The following ANHX variants were observed in gnomAD, a reference collection of about 807,000 sequenced individuals.
ANHX encodes anomalous homeobox.
Under a neutral mutation model 38.9 loss-of-function variants are expected in ANHX, and 20 were observed. That is an observed-to-expected ratio of 0.51 (90% CI 0.36 to 0.75). The LOEUF (loss-of-function observed/expected upper bound fraction) is 0.75, where lower values mean the gene tolerates loss of function less well. Ranked by LOEUF, ANHX falls within the 30% of genes least tolerant of loss-of-function variation. ANHX has a pLI of 0.00. For missense variants in ANHX, 475 were observed against 493.1 expected, an observed-to-expected ratio of 0.96 and a Z score of 0.35; for synonymous variants, 185 against 203.1, an observed-to-expected ratio of 0.91 and a Z score of 0.76.
At chr12:133,235,036 AC>A (rs1311658435) in intron 1 of ANHX, 1 of 152,404 alleles carries the variant, frequency 6.6e-6, no homozygotes, top group Non-Finnish European at 1.5e-5. Flanking sequence ...GCCGCGAAGA[AC>A]CAGGTAGGCT....
Position 133,218,981 on chromosome 12 carries a change from A to G in ANHX, c.1366-10T>C. The stretch of plus-strand genomic sequence containing the variant: ...TATCAGAACACTGCACCTGGAAGAC[A>G]ACACAGTGGTAAACACAGAGGCTTC... On this transcript the variant is annotated splice_polypyrimidine_tract_variant and intron_variant, in intron 9 of 9. Coordinates refer to ENST00000545940, the MANE Select transcript of ANHX (RefSeq NM_001372060.1). 1 of 1,530,816 alleles carries G rather than the reference A, an allele frequency of 6.5e-7. No homozygotes were observed. 94.8% of individuals were successfully genotyped at this position (1,530,816 alleles called of 1,614,324 possible).
chr12:133,233,042 T>C (rs551060308), intron 2 of ANHX, among the ~76,000 whole-genome samples: 2 of 151,624 alleles, frequency 1.3e-5, no homozygotes, highest in African/African-American at 2.4e-5. Context: ...ACCAGAAGGG[T>C]AGGTAGGCAC....
chr12:133,228,598 T>C (rs1038987300), intron 3 of ANHX, among the ~76,000 whole-genome samples: 3 of 152,094 alleles, frequency 2.0e-5, no homozygotes, highest in Non-Finnish European at 4.4e-5. Flanking sequence ...TTCACCAAGA[T>C]GTTCTCAGAA....
chr12:133,224,538 C>T (rs1200827209), intron 7 of ANHX, among the ~76,000 whole-genome samples: 3 of 151,544 alleles, frequency 2.0e-5, no homozygotes, highest in African/African-American at 4.9e-5. Context: ...TGGCAGGTGC[C>T]TGTAGTTCTA....
In ANHX at chr12:133,235,740, T is replaced by C. The variant is rs1465809107; in HGVS notation, c.-23+67A>G. 177 of 58,418 alleles carry C rather than the reference T, an allele frequency of 3.0e-3. 1 individual carries two copies. Among genetic ancestry groups the C allele is most frequent in the African/African-American group, 0.013 (171 of 13,642 alleles). The allele number at this position is 58,418 out of a possible 1,614,324, so 3.6% of individuals were successfully genotyped here. A position where few individuals can be genotyped will look rare whatever the true frequency, so the allele number is the denominator to read the frequency against. On this transcript the variant is annotated intron_variant, in intron 1 of 9. Transcript: ENST00000545940. ...GACCCCCGCCCCCGCGCCCCTCACA[T>C]TCCAGGCCCCCCCTGCCCCCGCGCG...
chr12:133,228,270 T>C (rs989485941), intron 3 of ANHX, among the ~76,000 whole-genome samples: 5 of 151,378 alleles, frequency 3.3e-5, no homozygotes, highest in African/African-American at 1.2e-4. Flanking sequence ...TCCTCATCCA[T>C]GGAGGCCGCG....
At chr12:133,226,251 T>C in intron 6 of ANHX, 67 bp downstream of exon 6, 1 of 1,535,282 alleles carries the variant, frequency 6.5e-7, no homozygotes, top group Non-Finnish European at 8.7e-7. Context: ...CATGCCCTAG[T>C]CTCCACCTGA....
chr12:133,221,932 G>GT lies in ANHX; in HGVS notation c.1133-581dup, dbSNP rs1413421000. 6.6e-6 allele frequency among the ~76,000 whole-genome samples: 1 copy of GT among 152,152 alleles called. No homozygotes were observed. The highest frequency in any genetic ancestry group is 1.5e-5 in the Non-Finnish European group (1 of 68,024). ...GGAGAGCTGTGGCCTGAAAAGGCAG[G>GT]TTTTTTCCTGCCCTGAGTCTACTAG... is the stretch of plus-strand genomic sequence containing the variant. On this transcript the variant is annotated intron_variant, in intron 7 of 9. Coordinates refer to ENST00000545940, the MANE Select transcript of ANHX (RefSeq NM_001372060.1). This position sits in a 1 kb window ranked among gnomAD's most constrained non-coding sequence, Gnocchi z 4.1.
chr12:133,233,222 G>A (rs995715220), intron 2 of ANHX, among the ~76,000 whole-genome samples: 24 of 152,140 alleles, frequency 1.6e-4, no homozygotes, highest in Non-Finnish European at 4.4e-5. Flanking sequence ...CTCAGGCCCC[G>A]GATCTGGGAG....
rs1439467067 is a variant in ANHX at position 133,221,790 on chromosome 12, C to T, written c.1133-438G>A. On this transcript the variant is annotated intron_variant, in intron 7 of 9. Transcript: ENST00000545940. The surrounding 1 kb of genome is among the most constrained non-coding windows in gnomAD (Gnocchi z 4.1). ...TCTTACTAAGGTTACCAAGATGTCA[C>T]TGAGGTATAAGCTGTCACTAGTTTC... 1.3e-5 allele frequency among the ~76,000 whole-genome samples: 2 copies of T among 152,216 alleles called. No individual in the cohort carries two copies. Among genetic ancestry groups the T allele is most frequent in the African/African-American group, 4.8e-5 (2 of 41,442 alleles).
rs776898393 is a variant in ANHX, at chr12:133,231,512, G to T, written c.377+5C>A. The T allele has an allele frequency of 6.5e-7, 1 of 1,536,146 alleles. No homozygotes were observed. Among genetic ancestry groups the T allele is most frequent in the South Asian group, 1.2e-5 (1 of 84,064 alleles). ...AATATGCACAAGTAAATGCTTGTAG[G>T]TTACCTCTTCCTGCAGCGGAACTTC... On this transcript the variant is annotated splice_donor_5th_base_variant and intron_variant, in intron 3 of 9. Coordinates refer to ENST00000545940, the MANE Select transcript of ANHX (RefSeq NM_001372060.1).
intron 7 of ANHX, among the ~76,000 whole-genome samples, chr12:133,224,572 A>G (rs1054392073): frequency 6.6e-6 from 1 of 150,536 alleles, no homozygotes; most frequent in African/African-American, 2.5e-5. Context: ...CTGAGGCAGG[A>G]GAATCGCTTG....
At chr12:133,232,167 G>T (rs1414833737) in intron 2 of ANHX, among the ~76,000 whole-genome samples, 1 of 83,970 alleles carries the variant, frequency 1.2e-5, no homozygotes, top group Non-Finnish European at 2.5e-5. Flanking sequence ...TGGTCCCTCA[G>T]GTACTCGGCA....
In ANHX at chr12:133,218,779, G is replaced by T; in HGVS notation, c.*106C>A. 2 of 780,058 alleles carry T rather than the reference G, an allele frequency of 2.6e-6. No individual in the cohort carries two copies. Among genetic ancestry groups the T allele is most frequent in the Non-Finnish European group, 3.7e-6 (2 of 544,802 alleles). 48.3% of individuals were successfully genotyped at this position (780,058 alleles called of 1,614,324 possible). On this transcript the variant is annotated 3_prime_UTR_variant, in exon 10 of 10. Coordinates refer to ENST00000545940, the MANE Select transcript of ANHX (RefSeq NM_001372060.1). ...GCAGAGCCCCCAGGGGAACTCTGGGGACCTTCATTTTGTATTCAGGATAAA... is the reference window on the plus strand; with the variant it reads ...GCAGAGCCCCCAGGGGAACTCTGGGTACCTTCATTTTGTATTCAGGATAAA...
At chr12:133,233,342 G>A (rs1383945904) in intron 2 of ANHX, among the ~76,000 whole-genome samples, 1 of 152,244 alleles carries the variant, frequency 6.6e-6, no homozygotes, top group African/African-American at 2.4e-5. Flanking sequence ...TTGGTGAGGG[G>A]TTGGAAGGAA....
At chr12:133,219,804 C>T (rs1187718922) in intron 8 of ANHX, among the ~76,000 whole-genome samples, 5 of 152,156 alleles carry the variant, frequency 3.3e-5, no homozygotes, top group African/African-American at 9.7e-5. Flanking sequence ...AGACTATACA[C>T]ATACAGGATG....
At chr12:133,228,146 A>T (rs567954254) in intron 3 of ANHX, among the ~76,000 whole-genome samples, 199 bp from the exon 4 acceptor site, 3 of 152,254 alleles carry the variant, frequency 2.0e-5, no homozygotes, top group Non-Finnish European at 4.4e-5. Context: ...CTGTTCCAGA[A>T]CATCTACAGG....
rs1291108589 is a variant in ANHX, at chr12:133,218,968, G to A, written c.1369C>T (p.Gln457Ter). The A allele has an allele frequency of 1.3e-6, 2 of 1,533,596 alleles. No individual in the cohort carries two copies. Among genetic ancestry groups the A allele is most frequent in the Non-Finnish European group, 1.7e-6 (2 of 1,145,166 alleles). 95.0% of individuals were successfully genotyped at this position (1,533,596 alleles called of 1,614,324 possible). The change falls in exon 10 of 10, where the codon CAG (glutamine) becomes TAG (stop). Residue 457 changes from glutamine (Q) to a stop codon, truncating the protein, a stop_gained. Transcript: ENST00000545940. LOFTEE classifies it low-confidence loss of function (END_TRUNC). ...CCAGAGGCCTGGCTATCAGAACACT[G>A]CACCTGGAAGACAACACAGTGGTAA... ...LSQALPSSQV[Q>*]CSDSQASGDA... is the part of the protein sequence containing the mutation.
chr12:133,220,570 T>C (rs571213131), intron 8 of ANHX, among the ~76,000 whole-genome samples: 2 of 152,256 alleles, frequency 1.3e-5, no homozygotes, highest in East Asian at 1.9e-4. Context: ...TGGTTGCAGC[T>C]CCCTGATGAG....
Sources: allele counts gnomAD v4.1 joint callset (sites outside exome capture counted in the v4.1 genomes callset), GRCh38; gene constraint gnomAD v4.1.1; non-coding constraint Gnocchi (gnomAD v3.1); transcripts MANE v1.5; gene names NCBI Gene and HGNC (gene_info 2026-07-23, HGNC 2026-07-21).